Variants in FBXO39 observed in about 807,000 individuals in gnomAD.
The protein encoded by FBXO39 is F-box only protein 39.
In FBXO39, 22 loss-of-function variants were observed where a neutral mutation model predicts 36.6. The observed-to-expected ratio is 0.60, with a 90% CI of 0.43 to 0.86. The LOEUF (loss-of-function observed/expected upper bound fraction) is 0.86. Among genes scored for constraint, FBXO39 ranks in the 40% least tolerant of loss-of-function variants. FBXO39 has a pLI of 0.00. For missense variants in FBXO39, 536 were observed against 543.9 expected (o/e 0.99, Z 0.14); for synonymous variants, 206 against 205.8 (o/e 1.00, Z -0.01).
intron 1 of FBXO39, among the ~76,000 whole-genome samples, chr17:6,779,002 C>T (rs746232613): frequency 2.6e-5 from 4 of 152,190 alleles, no homozygotes; most frequent in Non-Finnish European, 4.4e-5. Flanking sequence ...GGCTTCCAGA[C>T]ATTTGACCAA....
intron 2 of FBXO39, among the ~76,000 whole-genome samples, chr17:6,786,043 G>A (rs1351637709): frequency 1.3e-5 from 2 of 152,184 alleles, no homozygotes; most frequent in Non-Finnish European, 2.9e-5. Context: ...TCAAAGAGAT[G>A]TCTGCACTCT....
In FBXO39 at chr17:6,787,549, T is replaced by TG; in HGVS notation, c.*121_*122insG. 1 of 1,178,456 alleles carries TG rather than the reference T, an allele frequency of 8.5e-7. No individual in the cohort carries two copies. The allele number at this position is 1,178,456 out of a possible 1,614,324, so 73.0% of individuals were successfully genotyped here. On this transcript the variant is annotated 3_prime_UTR_variant, in exon 4 of 4. Coordinates refer to ENST00000321535, the MANE Select transcript of FBXO39 (RefSeq NM_153230.3). ...TCTCTCTCCCCTCCACTTTTTTTTTTTGTCAGCTCCATGACAACATGACCA... is the reference window on the plus strand; with the variant it reads ...TCTCTCTCCCCTCCACTTTTTTTTTTGTGTCAGCTCCATGACAACATGACCA...
At chr17:6,784,060 T>C (rs910769576) in intron 2 of FBXO39, among the ~76,000 whole-genome samples, 1 of 152,064 alleles carries the variant, frequency 6.6e-6, no homozygotes, top group African/African-American at 2.4e-5. Context: ...CAAAGATCAT[T>C]CATCCTGACC....
chr17:6,784,957 A>G (rs554843859), intron 2 of FBXO39, among the ~76,000 whole-genome samples: 1,535 of 137,480 alleles, frequency 0.011, 82 homozygotes, highest in African/African-American at 0.05. Flanking sequence ...GTGTGTGTAT[A>G]TATATATATG....
rs1976480642 is a variant in FBXO39 at position 6,779,802 on chromosome 17, GCTTTC to G, written c.-59_-55del. ...TATTCCCCACAGAAAGCAAGTGATT[GCTTTC>G]CTTTCCTCATTTTTGGAAGCCCTGC... On this transcript the variant is annotated 5_prime_UTR_variant, in exon 2 of 4. An upstream open reading frame in the 5' UTR gains an earlier in-frame stop. Coordinates refer to ENST00000321535, the MANE Select transcript of FBXO39 (RefSeq NM_153230.3). 1 of 1,493,322 alleles carries G rather than the reference GCTTTC, an allele frequency of 6.7e-7. No individual in the cohort carries two copies. The allele number at this position is 1,493,322 out of a possible 1,614,324, so 92.5% of individuals were successfully genotyped here.
At chr17:6,781,223 C>T (rs1976505679) in intron 2 of FBXO39, among the ~76,000 whole-genome samples, 1 of 152,226 alleles carries the variant, frequency 6.6e-6, no homozygotes, top group African/African-American at 2.4e-5. Flanking sequence ...CCTCTTCCTA[C>T]TTTTCCACGA....
Position 6,780,333 on chromosome 17 carries a change from C to T in FBXO39, c.465C>T (p.Phe155=), listed in dbSNP as rs1316443571. The T allele has an allele frequency of 6.2e-7, 1 of 1,614,060 alleles. No individual in the cohort carries two copies. The highest frequency in any genetic ancestry group is 1.3e-5 in the African/African-American group (1 of 74,930). ...GCTCATTCATCAGCAGCTTGAGCTT[C>T]TTCTTAAAGAAGATGGGCAAACGCC... is the stretch of plus-strand genomic sequence containing the variant. ...IRSSFISSLS[F]FLKKMGKRLD... The change falls in exon 2 of 4, where the codon TTC becomes TTT. Residue 155 remains phenylalanine, a synonymous_variant. Coordinates refer to ENST00000321535, the MANE Select transcript of FBXO39 (RefSeq NM_153230.3).
At position 6,787,539 on chromosome 17, in the gene FBXO39, C is replaced by CTT. The variant is rs753949794; in HGVS notation, c.*121_*122dup. On this transcript the variant is annotated 3_prime_UTR_variant, in exon 4 of 4. Coordinates refer to ENST00000321535, the MANE Select transcript of FBXO39 (RefSeq NM_153230.3). ...CTTTTGCTCCTCTCTCTCCCCTCCA[C>CTT]TTTTTTTTTTTGTCAGCTCCATGAC... 2.7e-3 allele frequency: 2,837 copies of CTT among 1,054,854 alleles called. No homozygotes were observed. The highest frequency in any genetic ancestry group is 6.6e-3 in the Middle Eastern group (26 of 3,914). 65.3% of individuals were successfully genotyped at this position (1,054,854 alleles called of 1,614,324 possible).
chr17:6,779,986 G>A lies in FBXO39; in HGVS notation c.118G>A (p.Ala40Thr). 1.2e-6 allele frequency: 2 copies of A among 1,614,228 alleles called. No individual in the cohort carries two copies. The highest frequency in any genetic ancestry group is 2.2e-5 in the South Asian group (2 of 91,084). Residue 40 changes from alanine to threonine, a missense_variant, in exon 2 of 4, where the codon GCT becomes ACT. By Grantham distance (58) the Ala-to-Thr change is moderately conservative (BLOSUM62 0). Coordinates refer to ENST00000321535, the MANE Select transcript of FBXO39 (RefSeq NM_153230.3). ...AGGAGACAGGGACAGGTCCAGGGCT[G>A]CTCTTGTCTGCAGAAAGTGGAACCA... ...WLGDRDRSRA[A>T]LVCRKWNQMM...
intron 2 of FBXO39, among the ~76,000 whole-genome samples, chr17:6,782,796 G>C (rs1976525200): frequency 1.3e-5 from 2 of 152,110 alleles, no homozygotes; most frequent in Non-Finnish European, 2.9e-5. Context: ...GAGCTAAAGA[G>C]AGAGATAGAC....
Position 6,780,409 on chromosome 17 carries a change from C to T in FBXO39, c.541C>T (p.Gln181Ter). 1 of 1,614,082 alleles carries T rather than the reference C, an allele frequency of 6.2e-7. No individual in the cohort carries two copies. The highest frequency in any genetic ancestry group is 1.1e-5 in the South Asian group (1 of 91,078). ...CAGGCTGACCGTGGAGCAAGGCTGC[C>T]AAATTCTCGACTCCCTCAGCTACAT... ...GARLTVEQGC[Q>*]ILDSLSYMRN... is the part of the protein sequence containing the mutation. The change falls in exon 2 of 4, where the codon CAA (glutamine) becomes TAA (stop). Residue 181 changes from glutamine to a stop codon, truncating the protein, a stop_gained. Transcript: ENST00000321535. LOFTEE classifies it high-confidence loss of function.
chr17:6,780,339 A>G lies in FBXO39; in HGVS notation c.471A>G (p.Leu157=). The change falls in exon 2 of 4, where the codon TTA becomes TTG. Residue 157 remains leucine, a synonymous_variant. Coordinates refer to ENST00000321535, the MANE Select transcript of FBXO39 (RefSeq NM_153230.3). The stretch of plus-strand genomic sequence containing the variant: ...TCATCAGCAGCTTGAGCTTCTTCTT[A>G]AAGAAGATGGGCAAACGCCTGGATT... ...SSFISSLSFF[L]KKMGKRLDYL... The G allele has an allele frequency of 2.5e-6, 4 of 1,614,136 alleles. No individual in the cohort carries two copies. The highest frequency in any genetic ancestry group is 3.4e-6 in the Non-Finnish European group (4 of 1,180,034).
Position 6,780,559 on chromosome 17 carries a change from C to T in FBXO39, c.691C>T (p.Leu231Phe), listed in dbSNP as rs1509123. ...STFHNLVSLN[L>F]NYNCISDELL... ...ATTCCACAATCTTGTGTCCCTGAAC[C>T]TCAACTACAACTGTATCTCCGACGA... Residue 231 changes from leucine (L) to phenylalanine (F), a missense_variant, in exon 2 of 4, where the codon CTC becomes TTC. Physicochemically the swap from Leu to Phe is conservative, Grantham distance 22. Coordinates refer to ENST00000321535, the MANE Select transcript of FBXO39 (RefSeq NM_153230.3). 88,314 of 1,614,034 alleles carry T rather than the reference C, an allele frequency of 0.055. 2,745 individuals carry two copies. Among genetic ancestry groups the T allele is most frequent in the Non-Finnish European group, 0.062 (73,482 of 1,180,020 alleles).
At chr17:6,783,552 A>G (rs1279839842) in intron 2 of FBXO39, among the ~76,000 whole-genome samples, 2 of 152,084 alleles carry the variant, frequency 1.3e-5, no homozygotes, top group Non-Finnish European at 2.9e-5. Context: ...AATAAAATCA[A>G]GAGATGAAAA....
At chr17:6,777,499 C>T (rs992330223) in intron 1 of FBXO39, among the ~76,000 whole-genome samples, 1 of 152,198 alleles carries the variant, frequency 6.6e-6, no homozygotes, top group Non-Finnish European at 1.5e-5. Context: ...TTTCTTAATC[C>T]TGTCGATCAT....
chr17:6,777,504 G>A (rs1412163107), intron 1 of FBXO39, among the ~76,000 whole-genome samples: 3 of 152,012 alleles, frequency 2.0e-5, no homozygotes, highest in Non-Finnish European at 2.9e-5. Context: ...TAATCCTGTC[G>A]ATCATTGATG....
chr17:6,784,487 G>T (rs1976542316), intron 2 of FBXO39, among the ~76,000 whole-genome samples: 1 of 149,910 alleles, frequency 6.7e-6, no homozygotes, highest in African/African-American at 2.5e-5. Context: ...AAGATGATAT[G>T]ATCTTATATT....
Position 6,780,625 on chromosome 17 carries a change from A to G in FBXO39, c.757A>G (p.Thr253Ala). The change falls in exon 2 of 4, where the codon ACC becomes GCC. Residue 253 changes from threonine to alanine, a missense_variant. Thr to Ala is a moderately conservative substitution (Grantham distance 58). Transcript: ENST00000321535. ...NLCENASTLR[T>A]INIKCHVHDP... is the part of the protein sequence containing the mutation. ...GTGTGAGAATGCCAGCACCCTCCGG[A>G]CCATCAACATCAAATGCCACGTTCA... The G allele has an allele frequency of 6.2e-7, 1 of 1,614,072 alleles. No homozygotes were observed. The highest frequency in any genetic ancestry group is 8.5e-7 in the Non-Finnish European group (1 of 1,180,014).
chr17:6,776,637 A>G (rs754300091), intron 1 of FBXO39, among the ~76,000 whole-genome samples: 3 of 152,032 alleles, frequency 2.0e-5, no homozygotes, highest in African/African-American at 4.8e-5. Flanking sequence ...TTGTATTCCT[A>G]TCTTCCTTGG....
Sources: gnomAD v4.1 joint callset for allele counts (sites outside exome capture counted in the v4.1 genomes callset) on GRCh38, gnomAD v4.1.1 for gene constraint, MANE v1.5 for transcripts, NCBI Gene and HGNC (gene_info 2026-07-23, HGNC 2026-07-21) for gene names.